The following RFX4 variants were observed in gnomAD, a reference collection of about 807,000 sequenced individuals.
RFX4 encodes the protein regulatory factor X4, also known as transcription factor RFX4.
RFX4 carries 10 observed loss-of-function variants against 95.0 expected under a neutral mutation model. The observed-to-expected ratio is 0.11, with a 90% CI of 0.06 to 0.18. RFX4 has a LOEUF of 0.18. Ranked by LOEUF, RFX4 falls within the 10% of genes least tolerant of loss-of-function variation. The pLI is 1.00. For synonymous variants in RFX4, 321 were observed against 340.7 expected, an observed-to-expected ratio of 0.94 and a Z score of 0.64; for missense variants, 640 against 922.0, an observed-to-expected ratio of 0.69 and a Z score of 3.96.
intron 8 of RFX4, among the ~76,000 whole-genome samples, chr12:106,708,325 TTG>T (rs998564742): frequency 2.0e-5 from 3 of 150,082 alleles, no homozygotes; most frequent in Non-Finnish European, 1.5e-5. Flanking sequence ...CGTCCTTCCT[TTG>T]TGTGTGTGTG....
intron 1 of RFX4, among the ~76,000 whole-genome samples, chr12:106,600,576 G>A (rs1265147712): frequency 6.6e-6 from 1 of 152,164 alleles, no homozygotes; most frequent in Non-Finnish European, 1.5e-5. Context: ...ATGAATGAAT[G>A]TGGGTTACCC....
At chr12:106,617,713 A>T (rs1326620639) in intron 2 of RFX4, among the ~76,000 whole-genome samples, 2 of 152,044 alleles carry the variant, frequency 1.3e-5, no homozygotes, top group African/African-American at 4.8e-5. Flanking sequence ...TGCATTTTGA[A>T]TGTACATTTT....
chr12:106,670,170 C>T (rs2041254753), intron 4 of RFX4, among the ~76,000 whole-genome samples: 1 of 152,118 alleles, frequency 6.6e-6, no homozygotes. Flanking sequence ...TATCAGTGTT[C>T]CAGCCTTTCT....
chr12:106,710,112 G>GT (rs2042163766), intron 9 of RFX4, among the ~76,000 whole-genome samples: 1 of 152,090 alleles, frequency 6.6e-6, no homozygotes, highest in Non-Finnish European at 1.5e-5. Context: ...TGTACCGTTC[G>GT]TTTGCTGCTA....
intron 2 of RFX4, among the ~76,000 whole-genome samples, chr12:106,616,908 G>A (rs2040084456): frequency 6.6e-6 from 1 of 151,550 alleles, no homozygotes; most frequent in African/African-American, 2.4e-5. Context: ...CTACAGGTGT[G>A]CGCCACCATG....
At position 106,696,393 on chromosome 12, in the gene RFX4, C is replaced by T. The variant is rs1023935553; in HGVS notation, c.780C>T (p.Tyr260=). 4 of 1,614,176 alleles carry T rather than the reference C, an allele frequency of 2.5e-6. No individual in the cohort carries two copies. Among genetic ancestry groups the T allele is most frequent in the Admixed American group, 1.7e-5 (1 of 60,022 alleles). ...TCGGCGTGTGTGACTCCATCCTCTA[C>T]AAAGCTATCTCCGGGGTGCTGATGC... The part of the protein sequence containing the change: ...NIVGVCDSIL[Y]KAISGVLMPT... The change falls in exon 8 of 18, where the codon TAC becomes TAT. Residue 260 remains tyrosine, a synonymous_variant. Transcript: ENST00000392842.
At chr12:106,681,615 G>A (rs1032151663) in intron 4 of RFX4, among the ~76,000 whole-genome samples, 1 of 152,188 alleles carries the variant, frequency 6.6e-6, no homozygotes, top group African/African-American at 2.4e-5. Flanking sequence ...AAGAGAGGAA[G>A]GCCAGAAGGT....
intron 3 of RFX4, among the ~76,000 whole-genome samples, chr12:106,646,431 CAAAAAAAA>C (rs56305939): frequency 3.6e-4 from 24 of 66,258 alleles, no homozygotes; most frequent in Middle Eastern, 8.5e-3. Flanking sequence ...TAGTTTTATC[CAAAAAAAA>C]AAAAAAAAAA....
chr12:106,720,050 T>C lies in RFX4; in HGVS notation c.1229T>C (p.Val410Ala), dbSNP rs377579705. The part of the protein sequence containing the change: ...WLDTMVDRCV[V>A]KVAAKRQGSL... The stretch of plus-strand genomic sequence containing the variant: ...GATACCATGGTTGACCGCTGTGTTG[T>C]GAAGGTTGGTAAACCGGCACCTAGC... The change falls in exon 12 of 18, where the codon GTG becomes GCG. Residue 410 changes from valine to alanine, a missense_variant. This residue lies in a region of RFX4 where 72 missense variants were observed against 80.5 expected (regional missense o/e 0.89). Coordinates refer to ENST00000392842, the MANE Select transcript of RFX4 (RefSeq NM_213594.3). This position sits in a 1 kb window ranked among gnomAD's most constrained non-coding sequence, Gnocchi z 4.2. 2.0e-4 allele frequency: 322 copies of C among 1,613,912 alleles called. 1 individual carries two copies. The highest frequency in any genetic ancestry group is 2.7e-4 in the Non-Finnish European group (313 of 1,179,906).
At chr12:106,652,256 G>A (rs2040869264) in intron 3 of RFX4, among the ~76,000 whole-genome samples, 1 of 152,160 alleles carries the variant, frequency 6.6e-6, no homozygotes, top group Non-Finnish European at 1.5e-5. Flanking sequence ...CTGGCACTTA[G>A]TAAATATTTG....
At chr12:106,677,524 A>C (rs760280686) in intron 4 of RFX4, among the ~76,000 whole-genome samples, 12 of 152,030 alleles carry the variant, frequency 7.9e-5, no homozygotes, top group Non-Finnish European at 1.5e-4. Context: ...GAGGAAGTGA[A>C]ATGATCATAT....
chr12:106,726,958 GA>G (rs1183926752), intron 13 of RFX4, among the ~76,000 whole-genome samples: 1 of 152,074 alleles, frequency 6.6e-6, no homozygotes, highest in Non-Finnish European at 1.5e-5. Context: ...TTTTAGTAGA[GA>G]GGGGGTTTCA....
intron 3 of RFX4, among the ~76,000 whole-genome samples, chr12:106,646,733 T>C (rs955309857): frequency 1.3e-5 from 2 of 152,094 alleles, no homozygotes; most frequent in Non-Finnish European, 2.9e-5. Flanking sequence ...CTAATCCTCA[T>C]GAAAATCCTG....
intron 1 of RFX4, among the ~76,000 whole-genome samples, chr12:106,591,077 G>A (rs2039533648): frequency 6.6e-6 from 1 of 152,216 alleles, no homozygotes. Context: ...CAACCCAGCT[G>A]GCTGGCTCTT....
intron 1 of RFX4, among the ~76,000 whole-genome samples, chr12:106,599,555 T>C (rs999324336): frequency 3.3e-5 from 5 of 152,060 alleles, no homozygotes; most frequent in African/African-American, 1.2e-4. Context: ...AGGAGAATGA[T>C]ATTAGCGTCA....
Position 106,709,384 on chromosome 12 carries a change from G to A in RFX4, c.888G>A (p.Val296=). The A allele has an allele frequency of 1.2e-6, 2 of 1,613,270 alleles. No homozygotes were observed. Among genetic ancestry groups the A allele is most frequent in the Non-Finnish European group, 1.7e-6 (2 of 1,179,836 alleles). ...AGCAACTGGATGAGTGGCTAAAAGT[G>A]GCTCTCCACGACCTCCCAGAAAACT... is the stretch of plus-strand genomic sequence containing the variant. ...FAKQLDEWLK[V]ALHDLPENLR... Residue 296 remains valine (V), a synonymous_variant, in exon 9 of 18, where the codon GTG becomes GTA. Transcript: ENST00000392842.
At chr12:106,643,731 A>C (rs1011154165) in intron 3 of RFX4, among the ~76,000 whole-genome samples, 5 of 152,258 alleles carry the variant, frequency 3.3e-5, no homozygotes, top group Non-Finnish European at 5.9e-5. Flanking sequence ...TTAAAAAAAA[A>C]CCCAGGATAT....
At chr12:106,710,585 T>C (rs949458039) in intron 9 of RFX4, among the ~76,000 whole-genome samples, 4 of 152,148 alleles carry the variant, frequency 2.6e-5, no homozygotes, top group African/African-American at 9.7e-5. Context: ...GTTCAGAAAT[T>C]ACCAAGAAGA....
chr12:106,724,590 C>G (rs1468066385), intron 13 of RFX4, among the ~76,000 whole-genome samples: 8 of 152,148 alleles, frequency 5.3e-5, no homozygotes, highest in Admixed American at 3.9e-4. Context: ...GGAGTAATAT[C>G]TTTTAAGTGT....
Sources: allele counts gnomAD v4.1 joint callset (sites outside exome capture counted in the v4.1 genomes callset), GRCh38; gene constraint gnomAD v4.1.1; regional missense constraint gnomAD v4.1.1; non-coding constraint Gnocchi (gnomAD v3.1); transcripts MANE v1.5; gene names NCBI Gene and HGNC (gene_info 2026-07-23, HGNC 2026-07-21).